The following CPM variants were observed in gnomAD, a reference collection of about 807,000 sequenced individuals.
CPM encodes the protein carboxypeptidase M.
CPM carries 35 observed loss-of-function variants against 46.4 expected under a neutral mutation model. The observed-to-expected ratio is 0.75, with a 90% CI of 0.58 to 1.00. The LOEUF (loss-of-function observed/expected upper bound fraction) is 1.00, where lower values mean the gene tolerates loss of function less well. Ranked by LOEUF, CPM falls within the 50% of genes least tolerant of loss-of-function variation. CPM has a pLI of 0.00. For synonymous variants in CPM, 195 were observed against 195.3 expected (o/e 1.00, Z 0.01); for missense variants, 422 against 530.4 (o/e 0.80, Z 2.01).
chr12:68,877,292 C>T (rs955732080), intron 3 of CPM, among the ~76,000 whole-genome samples: 1 of 152,076 alleles, frequency 6.6e-6, no homozygotes, highest in Non-Finnish European at 1.5e-5. Flanking sequence ...TCTCTGTATC[C>T]CTGTGTTCTT....
In CPM at chr12:68,939,637, C is replaced by A. The variant is rs115962778; in HGVS notation, c.-3-6797G>T. Among the ~76,000 whole-genome samples the A allele has an allele frequency of 7.3e-3, 1,111 of 152,008 alleles. 14 individuals are homozygous for A. The highest frequency in any genetic ancestry group is 0.026 in the African/African-American group (1,067 of 41,480). On this transcript the variant is annotated intron_variant, in intron 1 of 8. Transcript: ENST00000546373. ...TGTAAAATGTGCAAATCTGTAATAACGAGTCAGGATTCAATTCACCTTAGA... is the reference window on the plus strand; with the variant it reads ...TGTAAAATGTGCAAATCTGTAATAAAGAGTCAGGATTCAATTCACCTTAGA...
At chr12:68,861,246 T>C (rs1408606525) in intron 7 of CPM, among the ~76,000 whole-genome samples, 4 of 152,176 alleles carry the variant, frequency 2.6e-5, no homozygotes, top group Middle Eastern at 3.4e-3. Flanking sequence ...GGGGAGAATA[T>C]ATTAGATGAA....
rs992827883 is a variant in CPM at position 68,933,117 on chromosome 12, C to T, written c.-4+25G>A. On this transcript the variant is annotated intron_variant, in intron 1 of 8. Coordinates refer to ENST00000551568, the MANE Select transcript of CPM (RefSeq NM_198320.5). The stretch of plus-strand genomic sequence containing the variant: ...GTCCGGCAGCTGCCACAGCTGCGCC[C>T]GGCCCCGCGCACCCCCAGCCTCACC... 2.4e-5 allele frequency: 8 copies of T among 329,864 alleles called. No homozygotes were observed. The Admixed American group carries it at 3.3e-4, about 13-fold the overall frequency. 20.4% of individuals were successfully genotyped at this position (329,864 alleles called of 1,614,324 possible). A position where few individuals can be genotyped will look rare whatever the true frequency, so the allele number is the denominator to read the frequency against.
At chr12:68,926,258 T>C (rs1158567245) in intron 2 of CPM, among the ~76,000 whole-genome samples, 1 of 152,198 alleles carries the variant, frequency 6.6e-6, no homozygotes, top group East Asian at 1.9e-4. Flanking sequence ...TTAACATATC[T>C]AAAATATTAT....
intron 2 of CPM, among the ~76,000 whole-genome samples, chr12:68,912,338 G>C (rs1052114241): frequency 6.6e-6 from 1 of 152,120 alleles, no homozygotes; most frequent in Non-Finnish European, 1.5e-5. Flanking sequence ...TTGTGTATTT[G>C]TGAGTATGGG....
chr12:68,913,877 A>G (rs376990541), intron 2 of CPM: 3 of 680,800 alleles, frequency 4.4e-6, no homozygotes, highest in African/African-American at 3.5e-5. Context: ...ATCAAGAGCC[A>G]GTTCCTTGAC....
chr12:68,844,591 T>G (rs1884103499), intron 5 of CPM: 1 of 226,406 alleles, frequency 4.4e-6, no homozygotes, highest in Admixed American at 5.7e-5. Context: ...GCCTCATCTT[T>G]GAAAGTTCCA....
At chr12:68,931,744 C>CAAAA (rs1230893187) in intron 2 of CPM, among the ~76,000 whole-genome samples, 409 of 33,998 alleles carry the variant, frequency 0.012, no homozygotes, top group East Asian at 0.024. Flanking sequence ...AGACTCTGAC[C>CAAAA]AAAAAAAAAA....
At chr12:68,906,045 C>T (rs1009016077) in intron 2 of CPM, among the ~76,000 whole-genome samples, 4 of 152,162 alleles carry the variant, frequency 2.6e-5, no homozygotes, top group Non-Finnish European at 4.4e-5. Flanking sequence ...GTGGTGGTTT[C>T]GCTTCAAGAT....
At chr12:68,945,992 A>G (rs2136332858) in intron 1 of CPM, among the ~76,000 whole-genome samples, 1 of 151,652 alleles carries the variant, frequency 6.6e-6, no homozygotes, top group East Asian at 1.9e-4. Context: ...AGCTGGGACT[A>G]CAGGTGTGCA....
chr12:68,869,572 A>G (rs1885599008), intron 5 of CPM, 77 bp from the exon 6 acceptor site: 9 of 1,306,192 alleles, frequency 6.9e-6, no homozygotes, highest in Non-Finnish European at 9.5e-6. Context: ...ATTAGCAAAG[A>G]CATAATCGCA....
At chr12:68,872,744 T>G (rs1347880282) in intron 3 of CPM, among the ~76,000 whole-genome samples, 1 of 152,144 alleles carries the variant, frequency 6.6e-6, no homozygotes, top group Non-Finnish European at 1.5e-5. Flanking sequence ...GTAGATTTTT[T>G]TTTTTTTAAG....
chr12:68,894,997 C>T (rs530946779), intron 2 of CPM, among the ~76,000 whole-genome samples: 1 of 146,818 alleles, frequency 6.8e-6, no homozygotes, highest in Non-Finnish European at 1.5e-5. Flanking sequence ...CCGCTGCACT[C>T]CAGCCTGGGT....
At chr12:68,951,129 T>G (rs1219190435) in intron 1 of CPM, among the ~76,000 whole-genome samples, 2 of 152,238 alleles carry the variant, frequency 1.3e-5, no homozygotes, top group Non-Finnish European at 2.9e-5. Context: ...CTTACAACTG[T>G]GTGATCTTAG....
intron 1 of CPM, among the ~76,000 whole-genome samples, chr12:68,961,475 A>G (rs922469248): frequency 1.3e-4 from 20 of 152,162 alleles, no homozygotes; most frequent in African/African-American, 4.8e-4. Flanking sequence ...ATTTTATTTT[A>G]GAGAAGAGGT....
intron 2 of CPM, among the ~76,000 whole-genome samples, chr12:68,932,207 A>G (rs551677041): frequency 6.6e-6 from 1 of 152,358 alleles, no homozygotes; most frequent in African/African-American, 2.4e-5. Flanking sequence ...AACTTTAAAT[A>G]AAAGGCTAAC....
chr12:68,863,188 G>A (rs1438464471), intron 7 of CPM, among the ~76,000 whole-genome samples: 3 of 152,144 alleles, frequency 2.0e-5, no homozygotes, highest in African/African-American at 7.2e-5. Flanking sequence ...CAGGCTTCTG[G>A]AACTCAGCAC....
rs145865979 is a variant in CPM at position 68,916,985 on chromosome 12, A to T, written c.160+15693T>A. On this transcript the variant is annotated intron_variant, in intron 2 of 8. Transcript: ENST00000551568. ...CAGAAATTTTTCAATCAAGAAAACA[A>T]ATCTGTCATTTTCCTATCAAGCAAA... 1.5e-3 allele frequency among the ~76,000 whole-genome samples: 228 copies of T among 152,190 alleles called. 1 individual carries two copies. The highest frequency in any genetic ancestry group is 2.8e-3 in the Non-Finnish European group (191 of 67,996).
upstream of CPM, among the ~76,000 whole-genome samples, chr12:68,934,379 G>A (rs1307355516): frequency 6.6e-6 from 1 of 152,130 alleles, no homozygotes; most frequent in Non-Finnish European, 1.5e-5. Flanking sequence ...GCTGAGAACC[G>A]TTAGATTCCC....
Sources: gnomAD v4.1 joint callset for allele counts (sites outside exome capture counted in the v4.1 genomes callset) on GRCh38, gnomAD v4.1.1 for gene constraint, MANE v1.5 for transcripts, NCBI Gene and HGNC (gene_info 2026-07-23, HGNC 2026-07-21) for gene names.